LAMB1: variants seen among roughly 807,000 people sequenced by gnomAD.
LAMB1 encodes laminin subunit beta 1, also known as laminin subunit beta-1.
LAMB1 carries 121 observed loss-of-function variants against 222.3 expected under a neutral mutation model. The observed-to-expected ratio is 0.54, with a 90% CI of 0.47 to 0.63. LAMB1 has a LOEUF of 0.63. Among genes scored for constraint, LAMB1 ranks in the 30% least tolerant of loss-of-function variants. The pLI, the probability that LAMB1 is intolerant of heterozygous loss-of-function variation, is 0.00. For missense variants in LAMB1, 2,172 were observed against 2,240.8 expected, an observed-to-expected ratio of 0.97 and a Z score of 0.62; for synonymous variants, 794 against 807.2, an observed-to-expected ratio of 0.98 and a Z score of 0.28.
chr7:107,924,221 A>C lies in LAMB1; in HGVS notation c.5224+9T>G, dbSNP rs768115427. ...AATTTAAAAAATAAGCCTGTGTGAA[A>C]AGACCCACCTTTGAGCAGTTGCAGC... On this transcript the variant is annotated intron_variant, in intron 33 of 33. Transcript: ENST00000222399. 2.5e-6 allele frequency: 4 copies of C among 1,585,364 alleles called. No homozygotes were observed. In the East Asian group the frequency reaches 9.0e-5, roughly 35 times the overall value.
intron 7 of LAMB1, among the ~76,000 whole-genome samples, chr7:107,985,585 C>T (rs565988767): frequency 1.4e-3 from 215 of 151,778 alleles, no homozygotes; most frequent in Non-Finnish European, 2.0e-3. Context: ...GCCTAGATCG[C>T]GCCACTGCAC....
chr7:107,981,038 G>A (rs1050495007), intron 7 of LAMB1, among the ~76,000 whole-genome samples: 7 of 152,174 alleles, frequency 4.6e-5, no homozygotes, highest in East Asian at 1.9e-4. Context: ...TCGGCCGGGC[G>A]TGGTAGCTCA....
intron 23 of LAMB1, 39 bp from the exon 24 acceptor site, chr7:107,951,361 G>C: frequency 6.3e-7 from 1 of 1,581,492 alleles, no homozygotes; most frequent in Non-Finnish European, 8.7e-7. Context: ...GCAGGCTTCA[G>C]GCCAGAAGCC....
At chr7:107,961,351 A>G in intron 16 of LAMB1, 22 bp from the exon 17 acceptor site, 2 of 1,611,396 alleles carry the variant, frequency 1.2e-6, no homozygotes, top group Non-Finnish European at 1.7e-6. Flanking sequence ...CAAAAAAGAA[A>G]GACAACAACG....
chr7:107,961,060 G>A, intron 17 of LAMB1, 146 bp downstream of exon 17: 1 of 848,624 alleles, frequency 1.2e-6, no homozygotes, highest in South Asian at 1.8e-5. Context: ...ATGGGGTGGA[G>A]TATAAGCAAA....
intron 24 of LAMB1, among the ~76,000 whole-genome samples, chr7:107,950,190 A>G (rs1311937796): frequency 2.6e-5 from 4 of 152,112 alleles, no homozygotes; most frequent in Non-Finnish European, 5.9e-5. Context: ...AGATTATGCC[A>G]CTGCATTCCG....
intron 21 of LAMB1, among the ~76,000 whole-genome samples, chr7:107,954,248 G>A (rs761301848): frequency 1.3e-4 from 19 of 151,990 alleles, no homozygotes; most frequent in Non-Finnish European, 2.1e-4. Context: ...CTGAATTTCC[G>A]GGCTCAAGGA....
chr7:107,945,052 T>A (rs2033086562), intron 24 of LAMB1, among the ~76,000 whole-genome samples: 1 of 152,234 alleles, frequency 6.6e-6, no homozygotes, highest in Admixed American at 6.5e-5. Flanking sequence ...TTGCCTAATC[T>A]TTAAGATGAA....
intron 15 of LAMB1, among the ~76,000 whole-genome samples, chr7:107,962,040 T>TC (rs2033515959): frequency 6.6e-6 from 1 of 152,208 alleles, no homozygotes; most frequent in Admixed American, 6.5e-5. Flanking sequence ...ACCATATCTC[T>TC]CATCAAGCTA....
At chr7:107,931,151 C>T (rs957418963) in intron 29 of LAMB1, among the ~76,000 whole-genome samples, 1 of 152,138 alleles carries the variant, frequency 6.6e-6, no homozygotes, top group Non-Finnish European at 1.5e-5. Flanking sequence ...AGTATCCCAT[C>T]AGGTGTGTCT....
chr7:107,928,243 A>G (rs1307101745), intron 31 of LAMB1, among the ~76,000 whole-genome samples: 1 of 152,206 alleles, frequency 6.6e-6, no homozygotes, highest in Admixed American at 6.5e-5. Flanking sequence ...TAAGTTTTCC[A>G]TGCATTCTAA....
intron 3 of LAMB1, among the ~76,000 whole-genome samples, chr7:108,000,387 T>A (rs1038403011): frequency 6.6e-6 from 1 of 152,182 alleles, no homozygotes; most frequent in African/African-American, 2.4e-5. Flanking sequence ...TTTTAAGGGA[T>A]CTGCTGTGCA....
intron 12 of LAMB1, 138 bp downstream of exon 12, chr7:107,974,848 T>C (rs1389461615): frequency 2.2e-5 from 13 of 591,528 alleles, no homozygotes; most frequent in African/African-American, 5.5e-5. Context: ...GTAATTCCTA[T>C]TGTGTGCATT....
chr7:107,955,369 T>G, intron 21 of LAMB1, 98 bp downstream of exon 21: 1 of 1,060,408 alleles, frequency 9.4e-7, no homozygotes, highest in Non-Finnish European at 1.3e-6. Flanking sequence ...AAAGTAGACT[T>G]AATTGGTTCA....
At chr7:107,989,656 A>C (rs2034143756) in intron 5 of LAMB1, among the ~76,000 whole-genome samples, 1 of 152,218 alleles carries the variant, frequency 6.6e-6, no homozygotes, top group Non-Finnish European at 1.5e-5. Context: ...AAAATCCCTA[A>C]GGACTAACTG....
chr7:107,963,763 G>T (rs2033563370), intron 14 of LAMB1, among the ~76,000 whole-genome samples: 1 of 152,214 alleles, frequency 6.6e-6, no homozygotes, highest in Non-Finnish European at 1.5e-5. Flanking sequence ...TCAGAGAGCT[G>T]GCAGCTTGTT....
intron 5 of LAMB1, 46 bp downstream of exon 5, chr7:107,994,841 A>G (rs760704821): frequency 7.6e-6 from 8 of 1,058,838 alleles, no homozygotes; most frequent in Non-Finnish European, 1.2e-5. Context: ...GGGACATTAC[A>G]CAGTGCTCTC....
At position 107,980,763 on chromosome 7, in the gene LAMB1, G is replaced by A. The variant is rs2033956437; in HGVS notation, c.725C>T (p.Thr242Ile). 6.2e-7 allele frequency: 1 copy of A among 1,612,344 alleles called. No homozygotes were observed. Among genetic ancestry groups the A allele is most frequent in the Admixed American group, 1.7e-5 (1 of 60,010 alleles). The change falls in exon 8 of 34, where the codon ACT (threonine) becomes ATT (isoleucine). Residue 242 changes from threonine to isoleucine, a missense_variant. By Grantham distance (89) the Thr-to-Ile change is moderately conservative. Coordinates refer to ENST00000222399, the MANE Select transcript of LAMB1 (RefSeq NM_002291.3). ...NLRIKFVKLH[T>I]LGDNLLDSRM... ...GGAATCCAGAAGGTTATCTCCCAAA[G>A]TATGCAGTTTCACAAACTTGATTCT... is the stretch of plus-strand genomic sequence containing the variant.
chr7:107,983,253 C>T (rs2150444650), intron 7 of LAMB1, among the ~76,000 whole-genome samples: 1 of 152,290 alleles, frequency 6.6e-6, no homozygotes, highest in South Asian at 2.1e-4. Context: ...TCCACTCTTC[C>T]TTGCTTCAAG....
Sources: allele counts gnomAD v4.1 joint callset (sites outside exome capture counted in the v4.1 genomes callset), GRCh38; gene constraint gnomAD v4.1.1; transcripts MANE v1.5; gene names NCBI Gene and HGNC (gene_info 2026-07-23, HGNC 2026-07-21).